The following PIK3CD variants were observed in gnomAD, a reference collection of about 807,000 sequenced individuals.
The protein encoded by PIK3CD is phosphatidylinositol-4,5-bisphosphate 3-kinase catalytic subunit delta.
A neutral mutation model predicts 122.9 loss-of-function variants in PIK3CD; 20 were observed. The observed-to-expected ratio is 0.16, with a 90% CI of 0.11 to 0.24. The LOEUF (loss-of-function observed/expected upper bound fraction) is 0.24. PIK3CD is among the 10% of genes least tolerant of loss of function. The pLI, the probability that PIK3CD is intolerant of heterozygous loss-of-function variation, is 1.00. For missense variants in PIK3CD, 787 were observed against 1,406.3 expected, an observed-to-expected ratio of 0.56 and a Z score of 7.04; for synonymous variants, 596 against 593.4, an observed-to-expected ratio of 1.00 and a Z score of -0.06.
chr1:9,699,593 G>C (rs539918899), intron 2 of PIK3CD, among the ~76,000 whole-genome samples: 2 of 141,682 alleles, frequency 1.4e-5, no homozygotes, highest in East Asian at 4.0e-4. Context: ...CAGGGCCTTT[G>C]TACTTTCTTT....
At chr1:9,684,269 G>T (rs896379811) in intron 1 of PIK3CD, among the ~76,000 whole-genome samples, 2 of 152,178 alleles carry the variant, frequency 1.3e-5, no homozygotes, top group Non-Finnish European at 2.9e-5. Flanking sequence ...GGGCGCAGTG[G>T]CTCACGCCTG....
the PIK3CD span, among the ~76,000 whole-genome samples, chr1:9,639,357 T>A: frequency 6.6e-6 from 1 of 151,988 alleles, no homozygotes; most frequent in Non-Finnish European, 1.5e-5. Flanking sequence ...GCACCCTAGG[T>A]AGTGGTGGAT....
Position 9,721,459 on chromosome 1 carries a change from C to G in PIK3CD, c.1827C>G (p.Phe609Leu), listed in dbSNP as rs1156998927. 1.2e-6 allele frequency: 2 copies of G among 1,613,524 alleles called. No individual in the cohort carries two copies. The highest frequency in any genetic ancestry group is 2.7e-5 in the African/African-American group (2 of 74,914). ...SLRKLTDDEL[F>L]QYLLQLVQVL... ...TTCCCTGCAGGGACGATGAGCTGTTCCAGTACCTGCTGCAGCTGGTGCAGG... is the reference window on the plus strand; with the variant it reads ...TTCCCTGCAGGGACGATGAGCTGTTGCAGTACCTGCTGCAGCTGGTGCAGG... The change falls in exon 15 of 24, where the codon TTC becomes TTG. Residue 609 changes from phenylalanine (F) to leucine (L), a missense_variant. Physicochemically the swap from Phe to Leu is conservative, Grantham distance 22. Around this residue, in one of 6 missense-constraint regions of PIK3CD, gnomAD observed 592 missense variants for 920.6 expected, o/e 0.64. Transcript: ENST00000377346.
At chr1:9,668,289 A>G (rs924310521) in intron 1 of PIK3CD, among the ~76,000 whole-genome samples, 8 of 152,030 alleles carry the variant, frequency 5.3e-5, no homozygotes, top group African/African-American at 1.9e-4. Flanking sequence ...TGAGGTGCCT[A>G]CTTAACTTCT....
At chr1:9,659,400 CAT>C (rs1426567708) in intron 1 of PIK3CD, among the ~76,000 whole-genome samples, 5 of 152,266 alleles carry the variant, frequency 3.3e-5, no homozygotes, top group African/African-American at 1.2e-4. Context: ...ATATACATAA[CAT>C]AAAATTTACC....
At chr1:9,642,876 A>T in the PIK3CD span, among the ~76,000 whole-genome samples, 2 of 151,158 alleles carry the variant, frequency 1.3e-5, no homozygotes, top group Admixed American at 6.6e-5. Flanking sequence ...GGATCACTTG[A>T]GCCCAGGAGT....
At chr1:9,659,234 G>A (rs943003539) in intron 1 of PIK3CD, among the ~76,000 whole-genome samples, 6 of 152,100 alleles carry the variant, frequency 3.9e-5, no homozygotes, top group Admixed American at 3.9e-4. Flanking sequence ...CTAGGTGATG[G>A]GTTGATAGGT....
chr1:9,653,766 G>T, intron 1 of PIK3CD: 6 of 1,353,600 alleles, frequency 4.4e-6, no homozygotes, highest in Non-Finnish European at 5.9e-6. Context: ...CATTTCCATG[G>T]CCTGCTGGAG....
At position 9,674,692 on chromosome 1, in the gene PIK3CD, C is replaced by CAA. The variant is rs35463378; in HGVS notation, c.-137-16758_-137-16757dup. Reference sequence around the variant, plus strand: ...TGGGCGACAGAGCGAGACTCCGTCTCAAAAAAAAAAAAAAAAAAGAAACAA... The same window carrying CAA: ...TGGGCGACAGAGCGAGACTCCGTCTCAAAAAAAAAAAAAAAAAAAAGAAACAA... On this transcript the variant is annotated intron_variant, in intron 1 of 23. Transcript: ENST00000377346. 3.0e-3 allele frequency among the ~76,000 whole-genome samples: 176 copies of CAA among 58,152 alleles called. 1 individual carries two copies. The highest frequency in any genetic ancestry group is 0.019 in the Middle Eastern group (2 of 108). The allele number at this position is 58,152 out of a possible 152,430, so 38.1% of individuals were successfully genotyped here.
chr1:9,727,184 G>T lies in PIK3CD; in HGVS notation c.*138G>T, dbSNP rs1570414694. 1.4e-5 allele frequency: 13 copies of T among 950,202 alleles called. No homozygotes were observed. The South Asian group carries it at 1.4e-4, about 10-fold the overall frequency. The allele number at this position is 950,202 out of a possible 1,614,324, so 58.9% of individuals were successfully genotyped here. A position where few individuals can be genotyped will look rare whatever the true frequency, so the allele number is the denominator to read the frequency against. On this transcript the variant is annotated 3_prime_UTR_variant, in exon 24 of 24. Coordinates refer to ENST00000377346, the MANE Select transcript of PIK3CD (RefSeq NM_005026.5). ...ACATGGCTGCCTTTTGTTTACACTG[G>T]TTATTTATTTATGACTTGAAATAGT...
chr1:9,683,400 T>G (rs12093404), intron 1 of PIK3CD, among the ~76,000 whole-genome samples: 1 of 149,858 alleles, frequency 6.7e-6, no homozygotes, highest in African/African-American at 2.5e-5. Context: ...ATCGCGCCAC[T>G]GCACTCCAGC....
intron 1 of PIK3CD, among the ~76,000 whole-genome samples, chr1:9,686,241 G>A (rs1435540191): frequency 6.6e-6 from 1 of 152,154 alleles, no homozygotes; most frequent in Non-Finnish European, 1.5e-5. Flanking sequence ...AAGTAGAGGA[G>A]CAGGAATCTA....
chr1:9,699,479 GA>G (rs1366328672), intron 2 of PIK3CD, among the ~76,000 whole-genome samples: 3 of 152,040 alleles, frequency 2.0e-5, no homozygotes, highest in Admixed American at 2.0e-4. Context: ...AATGATACTG[GA>G]CTCCTCACCA....
chr1:9,719,199 C>T lies in PIK3CD; in HGVS notation c.1242+284C>T, dbSNP rs1648066988. Among the ~76,000 whole-genome samples, 1 of 152,226 alleles carries T rather than the reference C, an allele frequency of 6.6e-6. No homozygotes were observed. Among genetic ancestry groups the T allele is most frequent in the African/African-American group, 2.4e-5 (1 of 41,456 alleles). Reference sequence around the variant, plus strand: ...TAGTGCCCTGGGATGGAAGGACAAGCACAGTGTCATCCCTGGAGCAGAAAA... The same window carrying T: ...TAGTGCCCTGGGATGGAAGGACAAGTACAGTGTCATCCCTGGAGCAGAAAA... On this transcript the variant is annotated intron_variant, in intron 9 of 23. Coordinates refer to ENST00000377346, the MANE Select transcript of PIK3CD (RefSeq NM_005026.5). This position sits in a 1 kb window ranked among gnomAD's most constrained non-coding sequence, Gnocchi z 5.5.
At chr1:9,668,441 CTT>C (rs200153890) in intron 1 of PIK3CD, among the ~76,000 whole-genome samples, 34 of 133,896 alleles carry the variant, frequency 2.5e-4, no homozygotes, top group East Asian at 4.3e-4. Context: ...TGTTCTTATT[CTT>C]TTTTTTTTTT....
intron 1 of PIK3CD, among the ~76,000 whole-genome samples, chr1:9,684,746 C>T (rs12028984): frequency 0.14 from 19,923 of 147,066 alleles, 1,644 homozygotes; most frequent in South Asian, 0.25. Flanking sequence ...CTCAGCTACT[C>T]GGGAGGCTGA....
chr1:9,697,575 T>G (rs1391817151), intron 2 of PIK3CD, among the ~76,000 whole-genome samples: 2 of 151,660 alleles, frequency 1.3e-5, no homozygotes, highest in African/African-American at 2.4e-5. Flanking sequence ...AAAAAAAAGT[T>G]TTTTTTTAAT....
At chr1:9,636,265 CT>C in the PIK3CD span, among the ~76,000 whole-genome samples, 1 of 152,176 alleles carries the variant, frequency 6.6e-6, no homozygotes, top group Admixed American at 6.5e-5. Flanking sequence ...GCAATCTTGG[CT>C]CACTTCAGCC....
intron 1 of PIK3CD, among the ~76,000 whole-genome samples, chr1:9,671,038 G>A (rs557411202): frequency 1.2e-4 from 18 of 152,044 alleles, no homozygotes; most frequent in African/African-American, 3.9e-4. Flanking sequence ...GATTACAGAT[G>A]TGAGCCACCG....
Sources: allele counts gnomAD v4.1 joint callset (sites outside exome capture counted in the v4.1 genomes callset), GRCh38; gene constraint gnomAD v4.1.1; regional missense constraint gnomAD v4.1.1; non-coding constraint Gnocchi (gnomAD v3.1); transcripts MANE v1.5; gene names NCBI Gene and HGNC (gene_info 2026-07-23, HGNC 2026-07-21).